The following MAF variants were observed in gnomAD, a reference collection of about 807,000 sequenced individuals.
The protein encoded by MAF is transcription factor Maf.
Under a neutral mutation model 22.0 loss-of-function variants are expected in MAF, and 10 were observed. The observed-to-expected ratio is 0.45, with a 90% CI of 0.28 to 0.77. The LOEUF is 0.77. Ranked by LOEUF, MAF falls within the 30% of genes least tolerant of loss-of-function variation. MAF has a pLI of 0.12. For synonymous variants in MAF, 337 were observed against 255.8 expected (o/e 1.32, Z -3.03); for missense variants, 544 against 548.4 (o/e 0.99, Z 0.08).
At chr16:79,507,272 C>T in the MAF span, among the ~76,000 whole-genome samples, 1 of 150,942 alleles carries the variant, frequency 6.6e-6, no homozygotes, top group African/African-American at 2.4e-5. Context: ...CACCACCATG[C>T]CTGGCTAATT....
the MAF span, among the ~76,000 whole-genome samples, chr16:79,516,656 G>C: frequency 6.6e-6 from 1 of 152,216 alleles, no homozygotes; most frequent in East Asian, 1.9e-4. Context: ...CTCATGGAAT[G>C]TGTCTCTGAA....
the MAF span, chr16:79,202,822 G>A: frequency 6.6e-6 from 1 of 152,124 alleles, no homozygotes; most frequent in Admixed American, 6.6e-5. Context: ...GTTATTTACA[G>A]TCTACATAGG....
chr16:79,220,113 G>T, the MAF span, among the ~76,000 whole-genome samples: 1 of 151,928 alleles, frequency 6.6e-6, no homozygotes, highest in African/African-American at 2.4e-5. Flanking sequence ...AAAATTAGCC[G>T]GGTGTGGTGG....
chr16:79,235,870 A>T, the MAF span, among the ~76,000 whole-genome samples: 1 of 152,086 alleles, frequency 6.6e-6, no homozygotes, highest in African/African-American at 2.4e-5. Flanking sequence ...AGTGGAATTC[A>T]GAAGCAAGAG....
the MAF span, among the ~76,000 whole-genome samples, chr16:79,308,147 C>T: frequency 1.3e-5 from 2 of 152,176 alleles, no homozygotes; most frequent in African/African-American, 2.4e-5. Context: ...CTGACCCAAT[C>T]GATGGAGCTG....
the MAF span, among the ~76,000 whole-genome samples, chr16:79,414,907 C>G: frequency 6.6e-6 from 1 of 152,224 alleles, no homozygotes; most frequent in Non-Finnish European, 1.5e-5. Context: ...CTGTTCAAAT[C>G]TTATGGGATT....
chr16:79,254,961 T>C, the MAF span, among the ~76,000 whole-genome samples: 1 of 152,186 alleles, frequency 6.6e-6, no homozygotes, highest in East Asian at 1.9e-4. Context: ...GTCAACGTAT[T>C]CATGAGTGTG....
At chr16:79,458,134 G>A in the MAF span, among the ~76,000 whole-genome samples, 1 of 151,644 alleles carries the variant, frequency 6.6e-6, no homozygotes, top group Admixed American at 6.6e-5. Flanking sequence ...GTGTGTGTGT[G>A]TGTGTGTGTG....
the MAF span, among the ~76,000 whole-genome samples, chr16:79,320,192 G>A: frequency 2.6e-5 from 4 of 152,188 alleles, no homozygotes; most frequent in African/African-American, 9.7e-5. Context: ...GGAAACCACT[G>A]AAAAGGTTTT....
chr16:79,587,535 C>T (rs1912920767), intron 1 of MAF, among the ~76,000 whole-genome samples: 1 of 151,930 alleles, frequency 6.6e-6, no homozygotes, highest in Non-Finnish European at 1.5e-5. Context: ...TCCTTGGGGA[C>T]GTTGCAAACA....
the MAF span, among the ~76,000 whole-genome samples, chr16:79,320,535 C>T: frequency 6.6e-6 from 1 of 152,154 alleles, no homozygotes; most frequent in Non-Finnish European, 1.5e-5. Context: ...CTGGTACTCC[C>T]CCAATCTACC....
chr16:79,426,956 C>A, the MAF span, among the ~76,000 whole-genome samples: 1 of 152,118 alleles, frequency 6.6e-6, no homozygotes, highest in Non-Finnish European at 1.5e-5. Context: ...TGAATCAAAC[C>A]GCACCTGAAG....
the MAF span, among the ~76,000 whole-genome samples, chr16:79,409,473 T>G: frequency 6.6e-6 from 1 of 152,180 alleles, no homozygotes; most frequent in Non-Finnish European, 1.5e-5. Context: ...TGGAGCTGAG[T>G]TCAGCTTGCT....
the MAF span, among the ~76,000 whole-genome samples, chr16:79,258,828 C>G: frequency 6.6e-6 from 1 of 152,190 alleles, no homozygotes; most frequent in Non-Finnish European, 1.5e-5. Context: ...CCCAAGGTCT[C>G]TCTGCACTTC....
At chr16:79,317,646 C>G in the MAF span, among the ~76,000 whole-genome samples, 4 of 152,258 alleles carry the variant, frequency 2.6e-5, no homozygotes, top group African/African-American at 4.8e-5. Context: ...TAAGCCAACA[C>G]TATCCTTGAC....
the MAF span, among the ~76,000 whole-genome samples, chr16:79,559,029 C>G: frequency 2.0e-5 from 3 of 152,172 alleles, no homozygotes; most frequent in Admixed American, 1.3e-4. Context: ...TTCAATCTCG[C>G]CTGGTGGCTG....
the MAF span, among the ~76,000 whole-genome samples, chr16:79,236,309 A>G: frequency 1.3e-5 from 2 of 151,900 alleles, no homozygotes; most frequent in African/African-American, 4.8e-5. Context: ...TGTGTCCTCT[A>G]CCTGGGGTCT....
chr16:79,313,007 T>C, the MAF span, among the ~76,000 whole-genome samples: 1 of 152,166 alleles, frequency 6.6e-6, no homozygotes, highest in African/African-American at 2.4e-5. Context: ...ATTAAAAGCA[T>C]GGGCTTCAAC....
the MAF span, among the ~76,000 whole-genome samples, chr16:79,565,676 G>T: frequency 6.6e-6 from 1 of 152,060 alleles, no homozygotes; most frequent in Admixed American, 6.5e-5. Flanking sequence ...TGCCATAATT[G>T]TAAGTTTCCT....
Sources: allele counts gnomAD v4.1 joint callset (sites outside exome capture counted in the v4.1 genomes callset), GRCh38; gene constraint gnomAD v4.1.1; transcripts MANE v1.5; gene names NCBI Gene and HGNC (gene_info 2026-07-23, HGNC 2026-07-21).